The following CFAP47 variants were observed in gnomAD, a reference collection of about 807,000 sequenced individuals.
The protein encoded by CFAP47 is cilia and flagella associated protein 47, also known as cilia- and flagella-associated protein 47.
CFAP47 carries 29 observed loss-of-function variants against 148.1 expected under a neutral mutation model. That is an observed-to-expected ratio of 0.20 (90% CI 0.15 to 0.27). The LOEUF (loss-of-function observed/expected upper bound fraction) is 0.27. CFAP47 is among the 10% of genes least tolerant of loss of function. The pLI is 1.00. For synonymous variants in CFAP47, 664 were observed against 577.3 expected (o/e 1.15, Z -2.15); for missense variants, 1,872 against 1,697.5 (o/e 1.10, Z -1.81).
rs773318813 is a variant in CFAP47, at chrX:36,138,462, C to A, written c.5533C>A (p.Gln1845Lys). 1 of 1,145,089 alleles carries A rather than the reference C, an allele frequency of 8.7e-7. No individual in the cohort carries two copies. Among genetic ancestry groups the A allele is most frequent in the Non-Finnish European group, 1.2e-6 (1 of 869,214 alleles). 94.4% of individuals were successfully genotyped at this position (1,145,089 alleles called of 1,213,427 possible). Residue 1845 changes from glutamine to lysine, a missense_variant and splice_region_variant, in exon 35 of 64, where the codon CAG (glutamine) becomes AAG (lysine). Gln to Lys is a moderately conservative substitution (Grantham distance 53). Coordinates refer to ENST00000378653, the MANE Select transcript of CFAP47 (RefSeq NM_001304548.2). ...LYEIDFDVEIQATDICDPNPI... is the reference protein window; with the variant it reads ...LYEIDFDVEIKATDICDPNPI... ...TGAAATTGACTTTGACGTGGAAATACAGGTGGGTGCCTTTATATTAAACAT... is the reference window on the plus strand; with the variant it reads ...TGAAATTGACTTTGACGTGGAAATAAAGGTGGGTGCCTTTATATTAAACAT...
At chrX:35,961,327 C>A (rs145086470) in intron 8 of CFAP47, among the ~76,000 whole-genome samples, 1,875 of 111,122 alleles carry the variant, frequency 0.017, 45 homozygotes, top group African/African-American at 0.058. Flanking sequence ...AGAATAAAAC[C>A]GGTGCCACAG....
intron 39 of CFAP47, 87 bp downstream of exon 39, chrX:36,160,856 T>C: frequency 1.2e-5 from 3 of 242,386 alleles, no homozygotes; most frequent in Non-Finnish European, 1.4e-5. Context: ...CTTTCTTTTT[T>C]TTTTTTTTTT....
At chrX:35,994,593 T>C (rs1037921782) in intron 18 of CFAP47, among the ~76,000 whole-genome samples, 4 of 111,571 alleles carry the variant, frequency 3.6e-5, no homozygotes, top group Non-Finnish European at 7.5e-5. Context: ...TATCTTATTT[T>C]CATAAATAAA....
At chrX:36,133,965 A>G (rs1366415003) in intron 33 of CFAP47, among the ~76,000 whole-genome samples, 1 of 110,738 alleles carries the variant, frequency 9.0e-6, no homozygotes. Context: ...TCAAAGTCAG[A>G]GGATATATGA....
chrX:36,083,917 A>G (rs974210649), intron 29 of CFAP47, among the ~76,000 whole-genome samples: 7 of 111,173 alleles, frequency 6.3e-5, no homozygotes, highest in African/African-American at 9.8e-5. Context: ...ATTTGCCTAT[A>G]TATTTATCAA....
intron 46 of CFAP47, among the ~76,000 whole-genome samples, chrX:36,233,165 A>T (rs1555993084): frequency 9.0e-6 from 1 of 111,095 alleles, no homozygotes; most frequent in African/African-American, 3.3e-5. Flanking sequence ...AGTCCTGGAT[A>T]TCCTTGTTAA....
intron 1 of CFAP47, among the ~76,000 whole-genome samples, chrX:35,924,062 C>T (rs141502984): frequency 0.017 from 1,362 of 80,158 alleles, 78 homozygotes; most frequent in African/African-American, 0.061. Flanking sequence ...CATGTATGCG[C>T]ACATATATGT....
At chrX:36,335,117 C>A (rs180859104) in intron 57 of CFAP47, among the ~76,000 whole-genome samples, 38 of 111,078 alleles carry the variant, frequency 3.4e-4, no homozygotes, top group African/African-American at 4.9e-4. Flanking sequence ...TAATATAAAT[C>A]TGTAAATTTT....
At chrX:36,066,589 G>A (rs774832582) in intron 27 of CFAP47, among the ~76,000 whole-genome samples, 2 of 111,709 alleles carry the variant, frequency 1.8e-5, no homozygotes, top group South Asian at 3.8e-4. Context: ...AAAGCTGGGA[G>A]CCAGGGCTCT....
chrX:36,248,069 GTCAA>G (rs1452280291), intron 48 of CFAP47, among the ~76,000 whole-genome samples: 18 of 108,659 alleles, frequency 1.7e-4, no homozygotes, highest in Non-Finnish European at 3.4e-4. Flanking sequence ...AGATAAAAGT[GTCAA>G]TCTATCAGGA....
chrX:35,928,537 T>C (rs1476388656), intron 2 of CFAP47, among the ~76,000 whole-genome samples: 1 of 111,913 alleles, frequency 8.9e-6, no homozygotes, highest in East Asian at 2.8e-4. Flanking sequence ...AATTTCTTTG[T>C]ATATTCTGGA....
chrX:36,330,137 C>T (rs1036989511), intron 57 of CFAP47, among the ~76,000 whole-genome samples: 4 of 111,677 alleles, frequency 3.6e-5, no homozygotes, highest in East Asian at 2.8e-4. Context: ...TATAGTCACT[C>T]GCTTCCTTAT....
At chrX:36,098,020 T>A (rs73629588) in intron 30 of CFAP47, among the ~76,000 whole-genome samples, 7,081 of 111,500 alleles carry the variant, frequency 0.064, 613 homozygotes, top group African/African-American at 0.22. Flanking sequence ...TTTTTTTGTG[T>A]CCTCTATCTA....
chrX:36,378,967 G>A (rs782278014), intron 62 of CFAP47, among the ~76,000 whole-genome samples: 1 of 107,683 alleles, frequency 9.3e-6, no homozygotes, highest in Non-Finnish European at 1.9e-5. Flanking sequence ...GCACATCACC[G>A]TGCCTGGTTA....
At chrX:36,244,638 T>C (rs1555996709) in intron 48 of CFAP47, among the ~76,000 whole-genome samples, 1 of 111,199 alleles carries the variant, frequency 9.0e-6, no homozygotes, top group East Asian at 2.8e-4. Context: ...CTAAAGGAAA[T>C]TGATAAATTA....
chrX:35,958,129 A>G (rs1936272772), intron 8 of CFAP47, among the ~76,000 whole-genome samples: 3 of 111,646 alleles, frequency 2.7e-5, no homozygotes, highest in East Asian at 5.6e-4. Context: ...TAAATATTAT[A>G]TTTATATAAG....
At chrX:36,248,893 C>G (rs1940657463) in intron 48 of CFAP47, among the ~76,000 whole-genome samples, 2 of 110,208 alleles carry the variant, frequency 1.8e-5, no homozygotes, top group Non-Finnish European at 3.8e-5. Flanking sequence ...TTTGGGAAAT[C>G]CTTGAATATG....
In CFAP47 at chrX:35,951,800, C is replaced by A; in HGVS notation, c.886-3C>A. ...CTCTTTTATATCTGACTTTATATTA[C>A]AGGGTACAGATATTCAACAAAGAAC... On this transcript the variant is annotated splice_region_variant and splice_polypyrimidine_tract_variant and intron_variant, in intron 5 of 63. Transcript: ENST00000378653. 9.1e-7 allele frequency: 1 copy of A among 1,100,510 alleles called. No homozygotes were observed. Among genetic ancestry groups the A allele is most frequent in the Non-Finnish European group, 1.2e-6 (1 of 845,209 alleles). The allele number at this position is 1,100,510 out of a possible 1,213,427, so 90.7% of individuals were successfully genotyped here.
chrX:36,170,351 G>A (rs1025784623), intron 39 of CFAP47, among the ~76,000 whole-genome samples: 9 of 110,763 alleles, frequency 8.1e-5, no homozygotes, highest in Non-Finnish European at 1.5e-4. Flanking sequence ...ACAATGTGCA[G>A]GTTAGTTACA....
Sources: gnomAD v4.1 joint callset for allele counts (sites outside exome capture counted in the v4.1 genomes callset) on GRCh38, gnomAD v4.1.1 for gene constraint, MANE v1.5 for transcripts, NCBI Gene and HGNC (gene_info 2026-07-23, HGNC 2026-07-21) for gene names.